STRN: variants seen among roughly 807,000 people sequenced by gnomAD.
STRN encodes the protein striatin.
A neutral mutation model predicts 96.3 loss-of-function variants in STRN; 53 were observed. The ratio of observed to expected loss-of-function variants is 0.55; its 90% CI spans 0.44 to 0.69. The LOEUF is 0.69. Among genes scored for constraint, STRN ranks in the 30% least tolerant of loss-of-function variants. STRN has a pLI of 0.00. For missense variants in STRN, 987 were observed against 963.9 expected, an observed-to-expected ratio of 1.02 and a Z score of -0.32; for synonymous variants, 428 against 355.9, an observed-to-expected ratio of 1.20 and a Z score of -2.28.
At chr2:36,909,781 T>C (rs1271211159) in intron 3 of STRN, among the ~76,000 whole-genome samples, 2 of 152,052 alleles carry the variant, frequency 1.3e-5, no homozygotes, top group East Asian at 3.8e-4. Flanking sequence ...GAGAAAATCT[T>C]AAAAGCAGCC....
intron 10 of STRN, among the ~76,000 whole-genome samples, chr2:36,873,418 GGTGTACTGGTGAACATCTGTA>G (rs1558631444): frequency 1.3e-5 from 2 of 152,140 alleles, no homozygotes; most frequent in African/African-American, 2.4e-5. Context: ...GCTTTAGCTG[GGTGTACTGGTGAACATCTGTA>G]GTCCCAGGTA....
intron 1 of STRN, among the ~76,000 whole-genome samples, chr2:36,929,387 CT>C (rs1004599686): frequency 3.3e-5 from 5 of 150,988 alleles, no homozygotes; most frequent in African/African-American, 9.7e-5. Flanking sequence ...CCCCCCACCC[CT>C]TTTTTTTTCT....
At chr2:36,961,762 C>T (rs538732536) in intron 1 of STRN, among the ~76,000 whole-genome samples, 12 of 152,146 alleles carry the variant, frequency 7.9e-5, no homozygotes, top group Non-Finnish European at 1.5e-4. Context: ...AGGTATAAGG[C>T]CAAAGTCCTT....
rs1211958850 is a variant in STRN at position 36,877,902 on chromosome 2, G to A, written c.1312C>T (p.Leu438=). ...AAACTACTACTTACATCATAAGTTA[G>A]TGAGTCTGCTTCATTGGCCACCGTA... The part of the protein sequence containing the change: ...GLTVANEADS[L]TYDIANNKDA... The change falls in exon 10 of 18, where the codon CTA becomes TTA. Residue 438 remains leucine, a synonymous_variant. Coordinates refer to ENST00000263918, the MANE Select transcript of STRN (RefSeq NM_003162.4). 4.3e-6 allele frequency: 7 copies of A among 1,613,926 alleles called. No homozygotes were observed. The highest frequency in any genetic ancestry group is 5.1e-6 in the Non-Finnish European group (6 of 1,179,994).
intron 7 of STRN, among the ~76,000 whole-genome samples, chr2:36,893,272 A>T (rs992681845): frequency 4.6e-5 from 7 of 152,164 alleles, no homozygotes; most frequent in African/African-American, 1.7e-4. Flanking sequence ...ATGTAATTTC[A>T]GTATGGCACT....
At chr2:36,860,298 T>A (rs1173491992) in intron 13 of STRN, among the ~76,000 whole-genome samples, 1 of 152,098 alleles carries the variant, frequency 6.6e-6, no homozygotes, top group Admixed American at 6.6e-5. Context: ...GGACAGTTGA[T>A]CCTCTGGCAG....
chr2:36,928,162 G>A (rs1347222175), intron 1 of STRN, among the ~76,000 whole-genome samples: 3 of 151,728 alleles, frequency 2.0e-5, no homozygotes, highest in Non-Finnish European at 4.4e-5. Flanking sequence ...TCTGTAAAAC[G>A]ACCTCAGTCG....
chr2:36,867,073 T>C lies in STRN; in HGVS notation c.1547+741A>G, dbSNP rs539895474. 1.2e-4 allele frequency among the ~76,000 whole-genome samples: 18 copies of C among 152,348 alleles called. No individual in the cohort carries two copies. In the South Asian group the frequency reaches 3.5e-3, roughly 30 times the overall value. Reference sequence around the variant, plus strand: ...CCCATTTGATCCTGTGATCATGTTGTTAGCTGGTTATTACACACACTTGAT... The same window carrying C: ...CCCATTTGATCCTGTGATCATGTTGCTAGCTGGTTATTACACACACTTGAT... On this transcript the variant is annotated intron_variant, in intron 12 of 17. Coordinates refer to ENST00000263918, the MANE Select transcript of STRN (RefSeq NM_003162.4).
intron 3 of STRN, among the ~76,000 whole-genome samples, chr2:36,906,281 T>C (rs762897023): frequency 6.6e-6 from 1 of 151,896 alleles, no homozygotes; most frequent in African/African-American, 2.4e-5. Context: ...CTGGGCAACA[T>C]GGAGTAAACC....
chr2:36,864,659 C>T (rs1179107424), intron 12 of STRN, among the ~76,000 whole-genome samples: 5 of 152,262 alleles, frequency 3.3e-5, no homozygotes, highest in Admixed American at 1.3e-4. Flanking sequence ...CAGGATGATG[C>T]TGGCCTCATA....
At chr2:36,902,505 T>C in intron 5 of STRN, 79 bp downstream of exon 5, 2 of 1,155,184 alleles carry the variant, frequency 1.7e-6, no homozygotes, top group Non-Finnish European at 2.4e-6. Context: ...TACCTAAAAG[T>C]ACAAGTAATG....
At chr2:36,907,373 T>C (rs1384030088) in intron 3 of STRN, among the ~76,000 whole-genome samples, 1 of 151,946 alleles carries the variant, frequency 6.6e-6, no homozygotes, top group Non-Finnish European at 1.5e-5. Context: ...CGCGGTGAAA[T>C]CCTGTCTCTA....
chr2:36,921,140 G>A (rs1037601316), intron 2 of STRN, among the ~76,000 whole-genome samples: 8 of 151,864 alleles, frequency 5.3e-5, no homozygotes, highest in African/African-American at 1.9e-4. Flanking sequence ...CTCAGCCCTC[G>A]ATCCTCTGTG....
At chr2:36,925,505 G>A (rs754896585) in intron 1 of STRN, among the ~76,000 whole-genome samples, 25 of 152,094 alleles carry the variant, frequency 1.6e-4, no homozygotes, top group African/African-American at 4.3e-4. Flanking sequence ...TGCCGGATGC[G>A]GTGGCTCACA....
chr2:36,903,969 A>C (rs1052548098), intron 4 of STRN, among the ~76,000 whole-genome samples: 2 of 152,222 alleles, frequency 1.3e-5, no homozygotes, highest in South Asian at 2.1e-4. Flanking sequence ...TTGCCATAGA[A>C]AAGCTGGTTT....
chr2:36,866,515 T>C (rs1668630664), intron 12 of STRN, among the ~76,000 whole-genome samples: 2 of 152,202 alleles, frequency 1.3e-5, no homozygotes, highest in South Asian at 4.1e-4. Flanking sequence ...GTATATTCTG[T>C]TGTTTTGCAG....
intron 3 of STRN, among the ~76,000 whole-genome samples, chr2:36,908,004 TAAA>T (rs1236917313): frequency 6.6e-6 from 1 of 151,546 alleles, no homozygotes; most frequent in Non-Finnish European, 1.5e-5. Flanking sequence ...AAATAAAAAA[TAAA>T]AAAAGAAGGG....
At chr2:36,885,267 A>G (rs1198461955) in intron 8 of STRN, among the ~76,000 whole-genome samples, 2 of 152,168 alleles carry the variant, frequency 1.3e-5, no homozygotes, top group Non-Finnish European at 2.9e-5. Flanking sequence ...TTTCCAACTA[A>G]AGGATCTTTT....
chr2:36,912,262 A>G (rs772884110), intron 3 of STRN, among the ~76,000 whole-genome samples: 18 of 152,106 alleles, frequency 1.2e-4, no homozygotes, highest in African/African-American at 3.1e-4. Context: ...GCGCGCGCGC[A>G]CACACACACT....
Sources: allele counts gnomAD v4.1 joint callset (sites outside exome capture counted in the v4.1 genomes callset), GRCh38; gene constraint gnomAD v4.1.1; transcripts MANE v1.5; gene names NCBI Gene and HGNC (gene_info 2026-07-23, HGNC 2026-07-21).